Variants in XRCC6 observed in about 807,000 individuals in gnomAD.
XRCC6 encodes the protein DNA repair protein Ku70.
Under a neutral mutation model 65.7 loss-of-function variants are expected in XRCC6, and 5 were observed. The observed-to-expected ratio is 0.08, with a 90% CI of 0.04 to 0.16. The LOEUF (loss-of-function observed/expected upper bound fraction) is 0.16, where lower values mean the gene tolerates loss of function less well. Among genes scored for constraint, XRCC6 ranks in the 10% least tolerant of loss-of-function variants. XRCC6 has a pLI of 1.00. For missense variants in XRCC6, 447 were observed against 738.1 expected (o/e 0.61, Z 4.57); for synonymous variants, 270 against 270.6 (o/e 1.00, Z 0.02).
rs535633273 is a variant in XRCC6 at position 41,631,584 on chromosome 22, G to A, written c.195+3354G>A. Among the ~76,000 whole-genome samples, 43 of 125,830 alleles carry A rather than the reference G, an allele frequency of 3.4e-4. 2 individuals carry two copies. Among genetic ancestry groups the A allele is most frequent in the African/African-American group, 1.4e-3 (43 of 30,826 alleles). 82.5% of individuals were successfully genotyped at this position (125,830 alleles called of 152,430 possible). ...CTCAGACGATGGGCGGCCGGGCAGA[G>A]ACGCTCCTCACTTCCTAGATGGGAT... On this transcript the variant is annotated intron_variant, in intron 3 of 12. Transcript: ENST00000360079.
intron 7 of XRCC6, among the ~76,000 whole-genome samples, chr22:41,650,004 T>TGTGACAGA (rs1452184937): frequency 6.6e-6 from 1 of 152,008 alleles, no homozygotes; most frequent in East Asian, 1.9e-4. Flanking sequence ...CCAGTGACAG[T>TGTGACAGA]GTGACAGACT....
chr22:41,648,433 G>T (rs1240777346), intron 7 of XRCC6, among the ~76,000 whole-genome samples: 1 of 152,164 alleles, frequency 6.6e-6, no homozygotes, highest in African/African-American at 2.4e-5. Context: ...GTTAGGAAAA[G>T]TATGAAGTGT....
chr22:41,629,052 C>T lies in XRCC6; in HGVS notation c.195+822C>T, dbSNP rs1321312985. Among the ~76,000 whole-genome samples, 5 of 149,600 alleles carry T rather than the reference C, an allele frequency of 3.3e-5. No individual in the cohort carries two copies. In the East Asian group the frequency reaches 9.9e-4, roughly 30 times the overall value. ...GGAAAAGATACTCAGCATGTTTAGT[C>T]ATTAGAGAAAGGCAAATGAAAACCA... On this transcript the variant is annotated intron_variant, in intron 3 of 12. Coordinates refer to ENST00000360079, the MANE Select transcript of XRCC6 (RefSeq NM_001469.5).
intron 2 of XRCC6, among the ~76,000 whole-genome samples, chr22:41,626,173 C>T (rs139532720): frequency 0.01 from 1,555 of 149,368 alleles, 23 homozygotes; most frequent in African/African-American, 0.037. Flanking sequence ...GACGGGTTCT[C>T]GCTCTGTCAC....
At chr22:41,624,858 G>C (rs867192647) in intron 2 of XRCC6, among the ~76,000 whole-genome samples, 1 of 151,428 alleles carries the variant, frequency 6.6e-6, no homozygotes, top group Non-Finnish European at 1.5e-5. Context: ...ATAGCCAGGC[G>C]TGGTGGCAGG....
At chr22:41,657,922 C>CA (rs1392876744) in intron 10 of XRCC6, among the ~76,000 whole-genome samples, 1 of 152,124 alleles carries the variant, frequency 6.6e-6, no homozygotes, top group Non-Finnish European at 1.5e-5. Flanking sequence ...CTCCTGGACT[C>CA]AAGCAGTCTT....
intron 6 of XRCC6, among the ~76,000 whole-genome samples, chr22:41,645,194 G>A (rs989039603): frequency 1.3e-5 from 2 of 151,728 alleles, no homozygotes; most frequent in Non-Finnish European, 1.5e-5. Flanking sequence ...CCAGCTACTC[G>A]GGAGGCTGAG....
intron 8 of XRCC6, 42 bp downstream of exon 8, chr22:41,650,933 T>G: frequency 6.2e-7 from 1 of 1,609,904 alleles, no homozygotes; most frequent in Non-Finnish European, 8.5e-7. Flanking sequence ...TAACACACAG[T>G]GCAGTTTACG....
At chr22:41,657,300 C>G (rs2068053520) in intron 10 of XRCC6, among the ~76,000 whole-genome samples, 1 of 152,038 alleles carries the variant, frequency 6.6e-6, no homozygotes, top group Non-Finnish European at 1.5e-5. Flanking sequence ...TTCTTATTCG[C>G]CCTTCTCCTT....
chr22:41,627,450 A>G (rs542510173), intron 2 of XRCC6, among the ~76,000 whole-genome samples: 33 of 151,974 alleles, frequency 2.2e-4, no homozygotes, highest in Non-Finnish European at 4.0e-4. Context: ...CGTCTCTACT[A>G]AAAATACAAA....
At chr22:41,645,713 T>G (rs1344742574) in intron 6 of XRCC6, among the ~76,000 whole-genome samples, 7 of 151,254 alleles carry the variant, frequency 4.6e-5, no homozygotes, top group Non-Finnish European at 8.9e-5. Context: ...TTTTTTTTTT[T>G]TGAGATAGAG....
At chr22:41,628,317 G>C in intron 3 of XRCC6, 87 bp downstream of exon 3, 1 of 1,127,110 alleles carries the variant, frequency 8.9e-7, no homozygotes, top group Non-Finnish European at 1.3e-6. Flanking sequence ...TCAGGACATT[G>C]GGAGGCCGAG....
At chr22:41,637,902 A>T in intron 6 of XRCC6, 111 bp downstream of exon 6, 12 of 1,149,166 alleles carry the variant, frequency 1.0e-5, no homozygotes, top group East Asian at 3.8e-5. Context: ...AGGCAGGCGG[A>T]TTGCTTGAGC....
At chr22:41,659,869 A>G (rs1434858036) in intron 11 of XRCC6, among the ~76,000 whole-genome samples, 1 of 151,590 alleles carries the variant, frequency 6.6e-6, no homozygotes, top group African/African-American at 2.4e-5. Context: ...ATTTTTTGGT[A>G]GAGATGGGGG....
intron 6 of XRCC6, among the ~76,000 whole-genome samples, chr22:41,642,305 T>A (rs559754347): frequency 6.6e-6 from 1 of 152,342 alleles, no homozygotes; most frequent in South Asian, 2.1e-4. Flanking sequence ...TGAGATGATA[T>A]CTCAGATTAT....
chr22:41,663,554 T>G, intron 12 of XRCC6, 68 bp from the exon 13 acceptor site: 2 of 1,532,568 alleles, frequency 1.3e-6, no homozygotes, highest in Non-Finnish European at 1.8e-6. Context: ...AGGTCCCCCA[T>G]GCCATGTAGC....
chr22:41,658,144 G>A, intron 10 of XRCC6, 108 bp from the exon 11 acceptor site: 2 of 1,104,762 alleles, frequency 1.8e-6, no homozygotes, highest in Non-Finnish European at 2.7e-6. Context: ...TACTTGGGGT[G>A]TTTTTCTCAG....
intron 12 of XRCC6, chr22:41,661,699 C>G (rs2068101367): frequency 2.4e-6 from 1 of 421,582 alleles, no homozygotes; most frequent in South Asian, 2.8e-5. Context: ...AAAGTGAAAA[C>G]TAGAGCTACC....
intron 3 of XRCC6, among the ~76,000 whole-genome samples, chr22:41,633,926 A>G (rs975060814): frequency 1.2e-4 from 19 of 152,186 alleles, no homozygotes; most frequent in Admixed American, 6.5e-4. Context: ...ATTCTGTTTT[A>G]GTTTTTGTTT....
Sources: gnomAD v4.1 joint callset for allele counts (sites outside exome capture counted in the v4.1 genomes callset) on GRCh38, gnomAD v4.1.1 for gene constraint, MANE v1.5 for transcripts, NCBI Gene and HGNC (gene_info 2026-07-23, HGNC 2026-07-21) for gene names.